Variants in WDR87 observed in about 807,000 individuals in gnomAD.
The protein encoded by WDR87 is WD repeat-containing protein 87.
A neutral mutation model predicts 83.3 loss-of-function variants in WDR87; 56 were observed. That is an observed-to-expected ratio of 0.67 (90% confidence interval 0.54 to 0.84). The LOEUF is 0.84. Ranked by LOEUF, WDR87 falls within the 40% of genes least tolerant of loss-of-function variation. WDR87 has a pLI of 0.00. For missense variants in WDR87, 2,939 were observed against 3,431.9 expected, an observed-to-expected ratio of 0.86 and a Z score of 3.59; for synonymous variants, 1,173 against 1,250.6, an observed-to-expected ratio of 0.94 and a Z score of 1.31.
intron 1 of WDR87, among the ~76,000 whole-genome samples, chr19:37,904,525 A>G (rs190904396): frequency 6.6e-6 from 1 of 151,762 alleles, no homozygotes; most frequent in Admixed American, 6.6e-5. Context: ...CACCCAGCGA[A>G]TTTTTTGTAT....
chr19:37,892,891 G>C lies in WDR87; in HGVS notation c.2812C>G (p.Gln938Glu), dbSNP rs148639956. ...TGCCCTAGTGCACCAACACAGCACT[G>C]GTACTTCAGCAAGGAAGCATGGACC... ...IMVHASLLKY[Q>E]CCVGALGQIF... The change falls in exon 4 of 6, where the codon CAG (glutamine) becomes GAG (glutamate). Residue 938 changes from glutamine to glutamate, a missense_variant. Gln to Glu is a conservative substitution (Grantham distance 29, BLOSUM62 2). Coordinates refer to ENST00000447313, the MANE Select transcript of WDR87 (RefSeq NM_001291088.2). The C allele has an allele frequency of 6.4e-7, 1 of 1,552,020 alleles. No individual in the cohort carries two copies. Among genetic ancestry groups the C allele is most frequent in the African/African-American group, 1.4e-5 (1 of 73,170 alleles).
In WDR87 at chr19:37,889,707, T is replaced by G. The variant is rs1374465944; in HGVS notation, c.3964A>C (p.Ser1322Arg). 1 of 1,551,712 alleles carries G rather than the reference T, an allele frequency of 6.4e-7. No individual in the cohort carries two copies. The highest frequency in any genetic ancestry group is 2.0e-5 in the Admixed American group (1 of 51,010). The change falls in exon 6 of 6, where the codon AGC (serine) becomes CGC (arginine). Residue 1322 changes from serine (S) to arginine (R), a missense_variant. Coordinates refer to ENST00000447313, the MANE Select transcript of WDR87 (RefSeq NM_001291088.2). ...AQEMLVDRHPSWELFQEICPL... is the reference protein window; with the variant it reads ...AQEMLVDRHPRWELFQEICPL... ...CAGATCTCCTGAAAGAGTTCCCAGC[T>G]GGGGTGCCTATCTACCAGCATCTCC...
chr19:37,888,653 T>C lies in WDR87; in HGVS notation c.5018A>G (p.Glu1673Gly). 1.3e-6 allele frequency: 2 copies of C among 1,552,100 alleles called. No homozygotes were observed. Among genetic ancestry groups the C allele is most frequent in the Non-Finnish European group, 1.7e-6 (2 of 1,147,084 alleles). ...TTCCTCTTTCTGGGCAAACTTACCC[T>C]CTGCCTGGGCCATTTCCCTGTCATC... ...TQDDREMAQA[E>G]GKFAQKEETL... Residue 1673 changes from glutamate to glycine, a missense_variant, in exon 6 of 6, where the codon GAG becomes GGG. Physicochemically the swap from Glu to Gly is moderately conservative, Grantham distance 98. This residue lies in a region of WDR87 where 2,160 missense variants were observed against 2,533.1 expected (regional missense o/e 0.85). Coordinates refer to ENST00000447313, the MANE Select transcript of WDR87 (RefSeq NM_001291088.2).
intron 1 of WDR87, among the ~76,000 whole-genome samples, chr19:37,904,590 C>A (rs572512977): frequency 1.9e-3 from 282 of 151,464 alleles, no homozygotes; most frequent in African/African-American, 6.5e-3. Context: ...AAACTCCTGA[C>A]CTCAAGTGAT....
intron 1 of WDR87, among the ~76,000 whole-genome samples, chr19:37,904,067 T>A (rs1049366236): frequency 3.3e-5 from 5 of 151,702 alleles, no homozygotes; most frequent in African/African-American, 1.2e-4. Context: ...CATGCCTGGC[T>A]AATTTTTTGT....
In WDR87 at chr19:37,890,038, C is replaced by T; in HGVS notation, c.3633G>A (p.Leu1211=). The change falls in exon 6 of 6, where the codon CTG becomes CTA. Residue 1211 remains leucine (L), a synonymous_variant. Coordinates refer to ENST00000447313, the MANE Select transcript of WDR87 (RefSeq NM_001291088.2). ...KDHIALTLKR[L]QKIRDKRDKK... is the part of the protein sequence containing the mutation. ...TGTCTCTTTTGTCACGTATTTTCTGCAGCCTCTTCAGGGTCAATGCAATGT... is the reference window on the plus strand; with the variant it reads ...TGTCTCTTTTGTCACGTATTTTCTGTAGCCTCTTCAGGGTCAATGCAATGT... 2 of 1,551,720 alleles carry T rather than the reference C, an allele frequency of 1.3e-6. No individual in the cohort carries two copies. The highest frequency in any genetic ancestry group is 1.7e-6 in the Non-Finnish European group (2 of 1,147,016).
Position 37,889,623 on chromosome 19 carries a change from G to A in WDR87, c.4048C>T (p.Pro1350Ser). Residue 1350 changes from proline to serine, a missense_variant, in exon 6 of 6, where the codon CCG (proline) becomes TCG (serine). Physicochemically the swap from Pro to Ser is moderately conservative, Grantham distance 74. Coordinates refer to ENST00000447313, the MANE Select transcript of WDR87 (RefSeq NM_001291088.2). ...LLEDLDWDVVPPEKKPIFIQE... is the reference protein window; with the variant it reads ...LLEDLDWDVVSPEKKPIFIQE... ...ATAAAAATTGGTTTCTTCTCTGGCG[G>A]GACTACATCCCAATCAAGGTCCTCA... 1 of 1,551,722 alleles carries A rather than the reference G, an allele frequency of 6.4e-7. No homozygotes were observed. Among genetic ancestry groups the A allele is most frequent in the African/African-American group, 1.4e-5 (1 of 73,090 alleles).
Position 37,885,843 on chromosome 19 carries a change from C to T in WDR87, c.7828G>A (p.Glu2610Lys). 1 of 1,551,918 alleles carries T rather than the reference C, an allele frequency of 6.4e-7. No homozygotes were observed. Among genetic ancestry groups the T allele is most frequent in the Non-Finnish European group, 8.7e-7 (1 of 1,147,052 alleles). Residue 2610 changes from glutamate to lysine, a missense_variant, in exon 6 of 6, where the codon GAA becomes AAA. Glu to Lys is a moderately conservative substitution (Grantham distance 56). This residue lies in a region of WDR87 where 2,160 missense variants were observed against 2,533.1 expected (regional missense o/e 0.85). Coordinates refer to ENST00000447313, the MANE Select transcript of WDR87 (RefSeq NM_001291088.2). ...NLEWLHLAKH[E>K]AIVYRHRQAL... Reference sequence around the variant, plus strand: ...TGTCTGTGACGGTACACAATGGCTTCATGTTTGGCCAGATGCAGCCATTCT... The same window carrying T: ...TGTCTGTGACGGTACACAATGGCTTTATGTTTGGCCAGATGCAGCCATTCT...
At chr19:37,905,555 CAT>C (rs1728420485) in intron 1 of WDR87, among the ~76,000 whole-genome samples, 1 of 144,286 alleles carries the variant, frequency 6.9e-6, no homozygotes, top group Non-Finnish European at 1.5e-5. Flanking sequence ...AAAACACACA[CAT>C]ATATAATTTT....
In WDR87 at chr19:37,887,371, T is replaced by C. The variant is rs1344609213; in HGVS notation, c.6300A>G (p.Lys2100=). The part of the protein sequence containing the change: ...KLAKASRKLI[K]KRESLSKEPA... ...GTTCCTTGGAAAGGCTCTCCCTTTT[T>C]TTAATCAACTTCCTTGAAGCCTTGG... Residue 2100 remains lysine (K), a synonymous_variant, in exon 6 of 6, where the codon AAA becomes AAG. Transcript: ENST00000447313. 1.7e-5 allele frequency: 27 copies of C among 1,551,704 alleles called. No individual in the cohort carries two copies. The Middle Eastern group carries it at 1.7e-3, about 96-fold the overall frequency.
In WDR87 at chr19:37,888,736, CTCTT is replaced by C. The variant is rs991546644; in HGVS notation, c.4931_4934del (p.Glu1644GlyfsTer16). 3.9e-6 allele frequency: 6 copies of C among 1,551,784 alleles called. No homozygotes were observed. The highest frequency in any genetic ancestry group is 4.4e-6 in the Non-Finnish European group (5 of 1,147,094). On this transcript the variant is annotated frameshift_variant, in exon 6 of 6. Transcript: ENST00000447313. LOFTEE classifies it low-confidence loss of function (END_TRUNC). ...TTCTCTCTTCCTGGGCCAACTGTCT[CTCTT>C]CTTGTGCAAGTTTCTCTTCTTCTTG...
rs1404161325 is a variant in WDR87 at position 37,895,056 on chromosome 19, G to A, written c.647C>T (p.Thr216Met). ...PSGSLLALCETVVRVLMHQGK... is the reference protein window; with the variant it reads ...PSGSLLALCEMVVRVLMHQGK... ...CTGGTGCATAAGGACCCTCACCACC[G>A]TCTCACACAGGGCCAGGAGGGAGCC... is the stretch of plus-strand genomic sequence containing the variant. The change falls in exon 4 of 6, where the codon ACG becomes ATG. Residue 216 changes from threonine (T) to methionine (M), a missense_variant. Coordinates refer to ENST00000447313, the MANE Select transcript of WDR87 (RefSeq NM_001291088.2). 2.4e-5 allele frequency: 37 copies of A among 1,551,554 alleles called. No individual in the cohort carries two copies. The highest frequency in any genetic ancestry group is 2.7e-5 in the African/African-American group (2 of 73,036).
chr19:37,899,088 GTTGTTTTGTT>G lies in WDR87; in HGVS notation c.-46-813_-46-804del, dbSNP rs147855507. Reference sequence around the variant, plus strand: ...AGGCCCATCAATGAGTTGTTGTTGTGTTGTTTTGTTTTGTTTTGTTTTGTTTTGTTTTTAA... The same window carrying G: ...AGGCCCATCAATGAGTTGTTGTTGTGTTGTTTTGTTTTGTTTTGTTTTTAA... On this transcript the variant is annotated intron_variant, in intron 1 of 5. Transcript: ENST00000447313. Among the ~76,000 whole-genome samples, 600 of 150,444 alleles carry G rather than the reference GTTGTTTTGTT, an allele frequency of 4.0e-3. 4 individuals are homozygous for G. The highest frequency in any genetic ancestry group is 0.013 in the African/African-American group (546 of 40,742).
At chr19:37,898,061 G>A (rs1398845033) in intron 2 of WDR87, 104 bp downstream of exon 2, 1 of 1,363,292 alleles carries the variant, frequency 7.3e-7, no homozygotes, top group Non-Finnish European at 1.0e-6. Flanking sequence ...TACCCTGTTT[G>A]CTTCCTGTTC....
chr19:37,898,571 C>T lies in WDR87; in HGVS notation c.-46-286G>A, dbSNP rs567833111. ...ATATGGGTGAGAGAACCAGAGAAAC[C>T]GAGAGAGGGGCTGGGAAAGAATACC... On this transcript the variant is annotated intron_variant, in intron 1 of 5. Coordinates refer to ENST00000447313, the MANE Select transcript of WDR87 (RefSeq NM_001291088.2). Among the ~76,000 whole-genome samples the T allele has an allele frequency of 8.5e-5, 13 of 152,272 alleles. No homozygotes were observed. The South Asian group carries it at 1.9e-3, about 22-fold the overall frequency.
In WDR87 at chr19:37,885,883, G is replaced by C. The variant is rs1372855823; in HGVS notation, c.7788C>G (p.Ala2596=). The change falls in exon 6 of 6, where the codon GCC becomes GCG. Residue 2596 remains alanine (A), a synonymous_variant. Transcript: ENST00000447313. ...HRLCQLLKDL[A]SKGNLEWLHL... is the part of the protein sequence containing the mutation. The stretch of plus-strand genomic sequence containing the variant: ...GCAGCCATTCTAAGTTTCCCTTTGA[G>C]GCAAGGTCTTTGAGCAGCTGGCACA... The C allele has an allele frequency of 1.3e-6, 2 of 1,552,278 alleles. No individual in the cohort carries two copies. The highest frequency in any genetic ancestry group is 2.4e-5 in the South Asian group (2 of 84,066).
In WDR87 at chr19:37,895,093, TCAG is replaced by T. The variant is rs1206843763; in HGVS notation, c.607_609del (p.Leu203del). On this transcript the variant is annotated inframe_deletion, in exon 4 of 6. Coordinates refer to ENST00000447313, the MANE Select transcript of WDR87 (RefSeq NM_001291088.2). ...GCCAGGAGGGAGCCACTGGGACCAT[TCAG>T]CACGATGTCCTGGACAAGCTCATCA... The T allele has an allele frequency of 9.0e-6, 14 of 1,551,536 alleles. No individual in the cohort carries two copies. The highest frequency in any genetic ancestry group is 5.9e-5 in the Admixed American group (3 of 50,968).
At chr19:37,891,142 T>C (rs771233235) in intron 5 of WDR87, among the ~76,000 whole-genome samples, 2 of 149,634 alleles carry the variant, frequency 1.3e-5, no homozygotes, top group African/African-American at 4.9e-5. Flanking sequence ...TTTCCACTTA[T>C]CTCTCTTCCC....
chr19:37,888,873 C>T lies in WDR87; in HGVS notation c.4798G>A (p.Val1600Ile), dbSNP rs2046177002. The change falls in exon 6 of 6, where the codon GTC becomes ATC. Residue 1600 changes from valine to isoleucine, a missense_variant. By Grantham distance (29) the Val-to-Ile change is conservative. Transcript: ENST00000447313. ...SREGEEKEQQ[V>I]TEEQRHIQEE... ...TGGATGTGTCTCTGCTCTTCTGTGA[C>T]CTGCTGTTCTTTTTCTTCCCCCTCC... is the stretch of plus-strand genomic sequence containing the variant. 1 of 1,551,976 alleles carries T rather than the reference C, an allele frequency of 6.4e-7. No homozygotes were observed. Among genetic ancestry groups the T allele is most frequent in the East Asian group, 2.4e-5 (1 of 40,904 alleles).
Sources: allele counts gnomAD v4.1 joint callset (sites outside exome capture counted in the v4.1 genomes callset), GRCh38; gene constraint gnomAD v4.1.1; regional missense constraint gnomAD v4.1.1; transcripts MANE v1.5; gene names NCBI Gene and HGNC (gene_info 2026-07-23, HGNC 2026-07-21).